The following SLC12A4 variants were observed in gnomAD, a reference collection of about 807,000 sequenced individuals.
SLC12A4 encodes the protein solute carrier family 12 member 4.
A neutral mutation model predicts 119.2 loss-of-function variants in SLC12A4; 84 were observed. That is an observed-to-expected ratio of 0.70 (90% CI 0.59 to 0.85). The LOEUF is 0.85. Among genes scored for constraint, SLC12A4 ranks in the 40% least tolerant of loss-of-function variants. The pLI is 0.00. For missense variants in SLC12A4, 1,298 were observed against 1,476.3 expected (o/e 0.88, Z 1.98); for synonymous variants, 599 against 604.6 (o/e 0.99, Z 0.14).
Position 67,950,718 on chromosome 16 carries a change from C to A in SLC12A4, c.1397-7G>T, listed in dbSNP as rs199831916. On this transcript the variant is annotated splice_polypyrimidine_tract_variant and splice_region_variant and intron_variant, in intron 10 of 23. Transcript: ENST00000316341. This position sits in a 1 kb window ranked among gnomAD's most constrained non-coding sequence, Gnocchi z 4.3. The stretch of plus-strand genomic sequence containing the variant: ...AGAACCACACTGCTGAAGTCTGCGG[C>A]GGCGTCAAGGAAAACTCGGCCTCTG... 1.2e-6 allele frequency: 2 copies of A among 1,605,074 alleles called. No individual in the cohort carries two copies. Among genetic ancestry groups the A allele is most frequent in the African/African-American group, 1.3e-5 (1 of 74,400 alleles).
rs1025417698 is a variant in SLC12A4 at position 67,945,630 on chromosome 16, C to G, written c.2848-77G>C. ...GGCCTGTCTGGCCCAATGTGACCAC[C>G]TTGCCTCCGGGAAATGAGCACTAGC... On this transcript the variant is annotated intron_variant, in intron 21 of 23. Coordinates refer to ENST00000316341, the MANE Select transcript of SLC12A4 (RefSeq NM_005072.5). 2.0e-6 allele frequency: 3 copies of G among 1,538,222 alleles called. No homozygotes were observed. In the Admixed American group the frequency reaches 5.3e-5, roughly 27 times the overall value.
At position 67,948,126 on chromosome 16, in the gene SLC12A4, G is replaced by A. The variant is rs762179487; in HGVS notation, c.1782C>T (p.Leu594=). 1.2e-5 allele frequency: 20 copies of A among 1,613,144 alleles called. No homozygotes were observed. In the South Asian group the frequency reaches 1.6e-4, roughly 13 times the overall value. ...TCAGGAGTGTCTGCACCGCACAGGC[G>A]AGGTTCACGAACAGGTAGCACATCA... ...FFLMCYLFVN[L]ACAVQTLLRT... The change falls in exon 14 of 24, where the codon CTC becomes CTT. Residue 594 remains leucine (L), a synonymous_variant. Coordinates refer to ENST00000316341, the MANE Select transcript of SLC12A4 (RefSeq NM_005072.5).
At position 67,944,645 on chromosome 16, in the gene SLC12A4, C is replaced by T. The variant is rs1212043663; in HGVS notation, c.*195G>A. ...GTAAAGTCCCCAAACATCCCAGGGT[C>T]CCACAAGACCTGGGATCCATCTCCA... is the stretch of plus-strand genomic sequence containing the variant. On this transcript the variant is annotated 3_prime_UTR_variant, in exon 24 of 24. Transcript: ENST00000316341. The surrounding 1 kb of genome is among the most constrained non-coding windows in gnomAD (Gnocchi z 6.6). The T allele has an allele frequency of 7.0e-7, 1 of 1,421,900 alleles. No individual in the cohort carries two copies. The highest frequency in any genetic ancestry group is 9.2e-7 in the Non-Finnish European group (1 of 1,091,554). The allele number at this position is 1,421,900 out of a possible 1,614,324, so 88.1% of individuals were successfully genotyped here. A position where few individuals can be genotyped will look rare whatever the true frequency, so the allele number is the denominator to read the frequency against.
intron 1 of SLC12A4, chr16:67,964,014 C>T (rs2030735571): frequency 7.1e-6 from 11 of 1,551,086 alleles, no homozygotes; most frequent in South Asian, 4.8e-5. Context: ...GCACACAGCA[C>T]CTTCGGCTGC....
chr16:67,957,952 C>A lies in SLC12A4; in HGVS notation c.435G>T (p.Val145=), dbSNP rs1047347204. The change falls in exon 4 of 24, where the codon GTG becomes GTT. Residue 145 remains valine (V), a synonymous_variant. Transcript: ENST00000316341. The part of the protein sequence containing the change: ...VILFLRLTWM[V]GTAGVLQALL... ...GGGCCTGTAGCACACCTGCTGTGCCCACCATCCAGGTCAGCCGCAGGAAGA... is the reference window on the plus strand; with the variant it reads ...GGGCCTGTAGCACACCTGCTGTGCCAACCATCCAGGTCAGCCGCAGGAAGA... 1 of 1,614,236 alleles carries A rather than the reference C, an allele frequency of 6.2e-7. No homozygotes were observed. The highest frequency in any genetic ancestry group is 1.7e-5 in the Admixed American group (1 of 60,034).
Position 67,946,336 on chromosome 16 carries a change from G to C in SLC12A4, c.2442C>G (p.Thr814=). ...DPRAWKTFID[T]VRCTTAAHLA... ...GGTGGGCAGCCGTAGTGCAGCGCAC[G>C]GTGTCTGGGGAGGAGGAGCACGGCT... The change falls in exon 19 of 24, where the codon ACC becomes ACG. Residue 814 remains threonine (T), a synonymous_variant. Transcript: ENST00000316341. The C allele has an allele frequency of 3.1e-6, 5 of 1,609,108 alleles. No individual in the cohort carries two copies. The highest frequency in any genetic ancestry group is 4.2e-6 in the Non-Finnish European group (5 of 1,180,002).
intron 1 of SLC12A4, chr16:67,966,872 A>G (rs1719380224): frequency 6.6e-7 from 1 of 1,525,580 alleles, no homozygotes; most frequent in Non-Finnish European, 8.8e-7. Flanking sequence ...GGGATCTAGC[A>G]GGACTCAGCC....
intron 1 of SLC12A4, chr16:67,963,829 T>A: frequency 1.4e-6 from 2 of 1,456,988 alleles, no homozygotes; most frequent in Non-Finnish European, 9.2e-7. Flanking sequence ...CAAGCACGTA[T>A]GGACACTGAG....
chr16:67,953,251 G>A (rs2030043816), intron 6 of SLC12A4, among the ~76,000 whole-genome samples: 1 of 151,998 alleles, frequency 6.6e-6, no homozygotes, highest in Non-Finnish European at 1.5e-5. Flanking sequence ...GCTGGGCGTG[G>A]TGGCATGAGC....
intron 2 of SLC12A4, 61 bp from the exon 3 acceptor site, chr16:67,961,767 C>T (rs945094201): frequency 2.5e-6 from 4 of 1,600,340 alleles, no homozygotes; most frequent in Non-Finnish European, 2.6e-6. Flanking sequence ...CTGTGTGGAG[C>T]CAGCTGCCTG....
chr16:67,967,951 C>G (rs2030934730), intron 1 of SLC12A4, among the ~76,000 whole-genome samples: 1 of 152,206 alleles, frequency 6.6e-6, no homozygotes, highest in African/African-American at 2.4e-5. Context: ...CCAGTAGGCA[C>G]ACTCTGGCCA....
rs564404259 is a variant in SLC12A4, at chr16:67,953,961, A to G, written c.675+682T>C. The G allele has an allele frequency of 1.1e-3, 178 of 166,094 alleles. 1 individual carries two copies. The highest frequency in any genetic ancestry group is 1.9e-3 in the Non-Finnish European group (140 of 74,592). 10.3% of individuals were successfully genotyped at this position (166,094 alleles called of 1,614,324 possible). A position where few individuals can be genotyped will look rare whatever the true frequency, so the allele number is the denominator to read the frequency against. Reference sequence around the variant, plus strand: ...ATGAAAACAAGCCAAAGCCCCCCCAAATCAGAAGATTCAGGTGCAGGGTCC... The same window carrying G: ...ATGAAAACAAGCCAAAGCCCCCCCAGATCAGAAGATTCAGGTGCAGGGTCC... On this transcript the variant is annotated intron_variant, in intron 6 of 23. Transcript: ENST00000316341.
chr16:67,963,796 G>C (rs1193057747), intron 1 of SLC12A4: 8 of 1,253,360 alleles, frequency 6.4e-6, no homozygotes, highest in African/African-American at 1.5e-5. Flanking sequence ...GGGAATCCAG[G>C]TGAGGGCGCA....
Position 67,944,101 on chromosome 16 carries a change from T to C in SLC12A4, c.*739A>G. The C allele has an allele frequency of 1.9e-6, 3 of 1,547,456 alleles. No individual in the cohort carries two copies. Among genetic ancestry groups the C allele is most frequent in the Non-Finnish European group, 2.6e-6 (3 of 1,146,010 alleles). On this transcript the variant is annotated 3_prime_UTR_variant, in exon 24 of 24. Coordinates refer to ENST00000316341, the MANE Select transcript of SLC12A4 (RefSeq NM_005072.5). This position sits in a 1 kb window ranked among gnomAD's most constrained non-coding sequence, Gnocchi z 6.6. The stretch of plus-strand genomic sequence containing the variant: ...TGCCATGGGGAGCCGGGCGGCCCCA[T>C]TCCAGCCCTGGTGCCTACTGCCAGA...
chr16:67,968,525 T>C lies in SLC12A4; in HGVS notation c.29A>G (p.Asp10Gly), dbSNP rs540888852. MPHFTVVPV[D>G]GPRRGDYDNL... ...GTCATAGTCGCCGCGCCTCGGCCCG[T>C]CCACTGGCACCACGGTGAAGTGAGG... The change falls in exon 1 of 24, where the codon GAC becomes GGC. Residue 10 changes from aspartate (D) to glycine (G), a missense_variant. Transcript: ENST00000316341. 35 of 1,580,390 alleles carry C rather than the reference T, an allele frequency of 2.2e-5. No homozygotes were observed. Among genetic ancestry groups the C allele is most frequent in the Non-Finnish European group, 4.3e-6 (5 of 1,168,566 alleles).
Position 67,963,562 on chromosome 16 carries a change from G to A in SLC12A4, c.116-3C>T. On this transcript the variant is annotated splice_polypyrimidine_tract_variant and splice_region_variant and intron_variant, in intron 1 of 23. Transcript: ENST00000316341. ...GCTCTCTCTGTGGTTGCCATGTCCT[G>A]TGAAGAGAGAGGGACAATCAGGGCC... 6.4e-7 allele frequency: 1 copy of A among 1,564,104 alleles called. No individual in the cohort carries two copies.
rs970971982 is a variant in SLC12A4 at position 67,943,886 on chromosome 16, G to A, written c.*954C>T. On this transcript the variant is annotated 3_prime_UTR_variant, in exon 24 of 24. Transcript: ENST00000316341. This position sits in a 1 kb window ranked among gnomAD's most constrained non-coding sequence, Gnocchi z 4.6. Reference sequence around the variant, plus strand: ...GGGCTTTGGCCAGGTCAGCTGCCAGGGGCTGGGGCCCAGGCTCCCCAGGGT... The same window carrying A: ...GGGCTTTGGCCAGGTCAGCTGCCAGAGGCTGGGGCCCAGGCTCCCCAGGGT... 6 of 1,450,928 alleles carry A rather than the reference G, an allele frequency of 4.1e-6. No individual in the cohort carries two copies. The highest frequency in any genetic ancestry group is 4.6e-6 in the Non-Finnish European group (5 of 1,077,192). 89.9% of individuals were successfully genotyped at this position (1,450,928 alleles called of 1,614,324 possible).
Position 67,950,875 on chromosome 16 carries a change from G to T in SLC12A4, c.1396+87C>A. On this transcript the variant is annotated intron_variant, in intron 10 of 23. Coordinates refer to ENST00000316341, the MANE Select transcript of SLC12A4 (RefSeq NM_005072.5). The surrounding 1 kb of genome is among the most constrained non-coding windows in gnomAD (Gnocchi z 4.3). ...AGGGGAGCTATATATGAGTGTGTGG[G>T]GTGTCTGTGCATGTGACCTGGCAAC... The T allele has an allele frequency of 6.9e-7, 1 of 1,457,982 alleles. No individual in the cohort carries two copies. Among genetic ancestry groups the T allele is most frequent in the Non-Finnish European group, 9.6e-7 (1 of 1,046,198 alleles). 90.3% of individuals were successfully genotyped at this position (1,457,982 alleles called of 1,614,324 possible). A position where few individuals can be genotyped will look rare whatever the true frequency, so the allele number is the denominator to read the frequency against.
intron 1 of SLC12A4, chr16:67,963,976 A>G: frequency 2.6e-6 from 4 of 1,551,444 alleles, no homozygotes; most frequent in South Asian, 1.2e-5. Flanking sequence ...GGGACCGCCC[A>G]GGCAGTGCCC....
Sources: allele counts gnomAD v4.1 joint callset (sites outside exome capture counted in the v4.1 genomes callset), GRCh38; gene constraint gnomAD v4.1.1; non-coding constraint Gnocchi (gnomAD v3.1); transcripts MANE v1.5; gene names NCBI Gene and HGNC (gene_info 2026-07-23, HGNC 2026-07-21).